Variants in EDF1 observed in about 807,000 individuals in gnomAD.
EDF1 encodes endothelial differentiation-related factor 1.
A neutral mutation model predicts 20.8 loss-of-function variants in EDF1; 5 were observed. The observed-to-expected ratio is 0.24, with a 90% confidence interval of 0.13 to 0.51. EDF1 has a LOEUF of 0.51. EDF1 is among the 20% of genes least tolerant of loss of function. EDF1 has a pLI of 0.97. For synonymous variants in EDF1, 96 were observed against 78.5 expected (o/e 1.22, Z -1.18); for missense variants, 137 against 197.8 (o/e 0.69, Z 1.84).
rs11549946 is a variant in EDF1 at position 136,863,356 on chromosome 9, G to A, written c.223C>T (p.Leu75=). The A allele has an allele frequency of 8.7e-6, 14 of 1,613,962 alleles. No individual in the cohort carries two copies. Among genetic ancestry groups the A allele is most frequent in the Middle Eastern group, 1.6e-4 (1 of 6,078 alleles). Residue 75 remains leucine (L), a synonymous_variant, in exon 3 of 5, where the codon CTG becomes TTG. Coordinates refer to ENST00000224073, the MANE Select transcript of EDF1 (RefSeq NM_003792.4). This position sits in a 1 kb window ranked among gnomAD's most constrained non-coding sequence, Gnocchi z 4.5. ...TGCTGGATCACCTTGCCCACCTCCA[G>A]GGTCACCCTGTCATGGTGCAGCTCC... ...TEELHHDRVT[L]EVGKVIQQGR... is the part of the protein sequence containing the mutation.
rs1849192880 is a variant in EDF1 at position 136,865,281 on chromosome 9, T to TA, written c.78+899dup. On this transcript the variant is annotated intron_variant, in intron 1 of 4. Coordinates refer to ENST00000224073, the MANE Select transcript of EDF1 (RefSeq NM_003792.4). Reference sequence around the variant, plus strand: ...CACATTGGTAATCTCCTTCCACAAGTACTGTTCAGGGCACGCCCATCTTCC... The same window carrying TA: ...CACATTGGTAATCTCCTTCCACAAGTAACTGTTCAGGGCACGCCCATCTTCC... Among the ~76,000 whole-genome samples the TA allele has an allele frequency of 2.0e-5, 3 of 152,196 alleles. No homozygotes were observed. In the South Asian group the frequency reaches 6.2e-4, roughly 32 times the overall value.
Position 136,862,534 on chromosome 9 carries a change from G to A in EDF1, c.386-189C>T. The A allele has an allele frequency of 1.2e-6, 2 of 1,604,260 alleles. No homozygotes were observed. The highest frequency in any genetic ancestry group is 1.7e-6 in the Non-Finnish European group (2 of 1,178,650). On this transcript the variant is annotated intron_variant, in intron 4 of 4. Transcript: ENST00000224073. This position sits in a 1 kb window ranked among gnomAD's most constrained non-coding sequence, Gnocchi z 4.1. ...AGGATGAGTCTGATCACCTTAGACAGCAGAGCATGAACACCCCTCTCCGGA... is the reference window on the plus strand; with the variant it reads ...AGGATGAGTCTGATCACCTTAGACAACAGAGCATGAACACCCCTCTCCGGA...
chr9:136,863,580 G>C lies in EDF1; in HGVS notation c.131-132C>G, dbSNP rs1849154593. ...GACATGGGAACCCAGGCTGTCCCAA[G>C]TTCACACACCTCAGGTCGTGGACTT... On this transcript the variant is annotated intron_variant, in intron 2 of 4. Coordinates refer to ENST00000224073, the MANE Select transcript of EDF1 (RefSeq NM_003792.4). The surrounding 1 kb of genome is among the most constrained non-coding windows in gnomAD (Gnocchi z 4.5). 4 of 1,231,708 alleles carry C rather than the reference G, an allele frequency of 3.2e-6. No individual in the cohort carries two copies. Among genetic ancestry groups the C allele is most frequent in the Non-Finnish European group, 4.5e-6 (4 of 897,280 alleles). 76.3% of individuals were successfully genotyped at this position (1,231,708 alleles called of 1,614,324 possible). A position where few individuals can be genotyped will look rare whatever the true frequency, so the allele number is the denominator to read the frequency against.
At position 136,866,124 on chromosome 9, in the gene EDF1, GGCCCCGGCCCAGCGTCCGCCCCGCCC is replaced by G. The variant is rs1469306590; in HGVS notation, c.78+31_78+56del. 3.0e-4 allele frequency: 455 copies of G among 1,537,252 alleles called. 5 individuals are homozygous for G. The East Asian group carries it at 9.0e-3, about 30-fold the overall frequency. The stretch of plus-strand genomic sequence containing the variant: ...CCGAGCCCCCTGCCCCACGGTCCGT[GGCCCCGGCCCAGCGTCCGCCCCGCCC>G]GGCCCGGCCGCTCCTCAGTCAGCAA... On this transcript the variant is annotated intron_variant, in intron 1 of 4. Transcript: ENST00000224073.
intron 1 of EDF1, among the ~76,000 whole-genome samples, chr9:136,865,766 C>T (rs1217921714): frequency 1.3e-5 from 2 of 151,748 alleles, no homozygotes; most frequent in African/African-American, 4.8e-5. Flanking sequence ...GTCCCCGTCC[C>T]CGTCCCCACC....
At position 136,862,361 on chromosome 9, in the gene EDF1, G is replaced by A. The variant is rs1310105696; in HGVS notation, c.386-16C>T. 1.9e-6 allele frequency: 3 copies of A among 1,613,990 alleles called. No homozygotes were observed. Among genetic ancestry groups the A allele is most frequent in the East Asian group, 4.5e-5 (2 of 44,870 alleles). ...AGCTTGAGGCCTGAAATGAGCCACAGCCACTGGCCACTGCAGCACCAGCTC... is the reference window on the plus strand; with the variant it reads ...AGCTTGAGGCCTGAAATGAGCCACAACCACTGGCCACTGCAGCACCAGCTC... On this transcript the variant is annotated splice_polypyrimidine_tract_variant and intron_variant, in intron 4 of 4. Transcript: ENST00000224073. This position sits in a 1 kb window ranked among gnomAD's most constrained non-coding sequence, Gnocchi z 4.1.
chr9:136,862,695 G>A lies in EDF1; in HGVS notation c.385+211C>T. On this transcript the variant is annotated intron_variant, in intron 4 of 4. Transcript: ENST00000224073. This position sits in a 1 kb window ranked among gnomAD's most constrained non-coding sequence, Gnocchi z 4.1. ...GGAACTGGCAAGGGGAAGGGACTCG[G>A]ACTCCACTTGCTCTTAGGGGTTTCC... 6.7e-7 allele frequency: 1 copy of A among 1,500,966 alleles called. No homozygotes were observed. The highest frequency in any genetic ancestry group is 1.3e-5 in the South Asian group (1 of 75,928). The allele number at this position is 1,500,966 out of a possible 1,614,324, so 93.0% of individuals were successfully genotyped here. A position where few individuals can be genotyped will look rare whatever the true frequency, so the allele number is the denominator to read the frequency against.
chr9:136,862,700 C>T lies in EDF1; in HGVS notation c.385+206G>A. 1 of 1,507,172 alleles carries T rather than the reference C, an allele frequency of 6.6e-7. No individual in the cohort carries two copies. The highest frequency in any genetic ancestry group is 8.8e-7 in the Non-Finnish European group (1 of 1,136,062). 93.4% of individuals were successfully genotyped at this position (1,507,172 alleles called of 1,614,324 possible). On this transcript the variant is annotated intron_variant, in intron 4 of 4. Coordinates refer to ENST00000224073, the MANE Select transcript of EDF1 (RefSeq NM_003792.4). This position sits in a 1 kb window ranked among gnomAD's most constrained non-coding sequence, Gnocchi z 4.1. ...TGGCAAGGGGAAGGGACTCGGACTC[C>T]ACTTGCTCTTAGGGGTTTCCTGAGG...
chr9:136,863,058 C>T lies in EDF1; in HGVS notation c.292-59G>A, dbSNP rs1374826069. ...CCACTAGGACTGCTGCAAAACCAGG[C>T]GCGAAGCGTCGCCTGAGAACAGCAG... is the stretch of plus-strand genomic sequence containing the variant. On this transcript the variant is annotated intron_variant, in intron 3 of 4. Coordinates refer to ENST00000224073, the MANE Select transcript of EDF1 (RefSeq NM_003792.4). This position sits in a 1 kb window ranked among gnomAD's most constrained non-coding sequence, Gnocchi z 4.5. 6.2e-6 allele frequency: 10 copies of T among 1,602,080 alleles called. No individual in the cohort carries two copies. The highest frequency in any genetic ancestry group is 1.7e-5 in the Admixed American group (1 of 59,932).
intron 1 of EDF1, among the ~76,000 whole-genome samples, chr9:136,865,897 C>T (rs1446150468): frequency 6.7e-6 from 1 of 149,388 alleles, no homozygotes; most frequent in African/African-American, 2.5e-5. Context: ...GTTCCCTGCT[C>T]CTCTCCTCCT....
At position 136,862,411 on chromosome 9, in the gene EDF1, C is replaced by T. The variant is rs982347516; in HGVS notation, c.386-66G>A. The stretch of plus-strand genomic sequence containing the variant: ...CCCTCCTCCCCCCAACGCTGCCCCT[C>T]TTCAACATCTTCCCAGGGAAGGGGG... On this transcript the variant is annotated intron_variant, in intron 4 of 4. Transcript: ENST00000224073. This position sits in a 1 kb window ranked among gnomAD's most constrained non-coding sequence, Gnocchi z 4.1. The T allele has an allele frequency of 6.2e-7, 1 of 1,613,820 alleles. No individual in the cohort carries two copies. Among genetic ancestry groups the T allele is most frequent in the Non-Finnish European group, 8.5e-7 (1 of 1,180,022 alleles).
rs1849141690 is a variant in EDF1 at position 136,863,127 on chromosome 9, TG to T, written c.292-129del. 14 of 1,515,404 alleles carry T rather than the reference TG, an allele frequency of 9.2e-6. No homozygotes were observed. Among genetic ancestry groups the T allele is most frequent in the Non-Finnish European group, 1.2e-5 (13 of 1,109,484 alleles). 93.9% of individuals were successfully genotyped at this position (1,515,404 alleles called of 1,614,324 possible). ...TACGCACCCACACGCAGCTGGGTTT[TG>T]TGCGAGAGGCAGTGAGAGCCGGGCT... On this transcript the variant is annotated intron_variant, in intron 3 of 4. Transcript: ENST00000224073. This position sits in a 1 kb window ranked among gnomAD's most constrained non-coding sequence, Gnocchi z 4.5.
chr9:136,863,963 C>G lies in EDF1; in HGVS notation c.79-92G>C. 2 of 1,328,736 alleles carry G rather than the reference C, an allele frequency of 1.5e-6. No homozygotes were observed. Among genetic ancestry groups the G allele is most frequent in the South Asian group, 1.2e-5 (1 of 83,004 alleles). 82.3% of individuals were successfully genotyped at this position (1,328,736 alleles called of 1,614,324 possible). On this transcript the variant is annotated intron_variant, in intron 1 of 4. Transcript: ENST00000224073. The surrounding 1 kb of genome is among the most constrained non-coding windows in gnomAD (Gnocchi z 4.5). ...GGCCTGCTGTTAGCCAGTTAGCACA[C>G]TGCTAAGGACTAGTGGTGCCCAAGG...
chr9:136,862,492 C>T lies in EDF1; in HGVS notation c.386-147G>A. The stretch of plus-strand genomic sequence containing the variant: ...TCAGCACACGAGCACTCCTGGTTCC[C>T]ACATCTAATTTTGAAGAGGATGAGT... On this transcript the variant is annotated intron_variant, in intron 4 of 4. Coordinates refer to ENST00000224073, the MANE Select transcript of EDF1 (RefSeq NM_003792.4). This position sits in a 1 kb window ranked among gnomAD's most constrained non-coding sequence, Gnocchi z 4.1. 1.9e-6 allele frequency: 3 copies of T among 1,612,188 alleles called. No homozygotes were observed. Among genetic ancestry groups the T allele is most frequent in the Non-Finnish European group, 2.5e-6 (3 of 1,179,840 alleles).
Position 136,863,026 on chromosome 9 carries a change from A to G in EDF1, c.292-27T>C. ...TAAAGAGAAGATGTGCTTTATACAC[A>G]TCAGCTCCACTAGGACTGCTGCAAA... is the stretch of plus-strand genomic sequence containing the variant. On this transcript the variant is annotated intron_variant, in intron 3 of 4. Coordinates refer to ENST00000224073, the MANE Select transcript of EDF1 (RefSeq NM_003792.4). This position sits in a 1 kb window ranked among gnomAD's most constrained non-coding sequence, Gnocchi z 4.5. The G allele has an allele frequency of 6.2e-7, 1 of 1,612,974 alleles. No homozygotes were observed. The highest frequency in any genetic ancestry group is 8.5e-7 in the Non-Finnish European group (1 of 1,179,694).
Position 136,862,882 on chromosome 9 carries a change from G to A in EDF1, c.385+24C>T, listed in dbSNP as rs756363408. On this transcript the variant is annotated intron_variant, in intron 4 of 4. Transcript: ENST00000224073. This position sits in a 1 kb window ranked among gnomAD's most constrained non-coding sequence, Gnocchi z 4.1. ...GGTAGCCTCCCTGTTCAGCGGACCC[G>A]GCGAAGGGTGGAGGGACACTCACCA... The A allele has an allele frequency of 5.6e-6, 9 of 1,612,580 alleles. No homozygotes were observed. Among genetic ancestry groups the A allele is most frequent in the Admixed American group, 3.3e-5 (2 of 60,004 alleles).
chr9:136,863,853 T>G lies in EDF1; in HGVS notation c.97A>C (p.Arg33=), dbSNP rs1173641578. The change falls in exon 2 of 5, where the codon AGA becomes CGA. Residue 33 remains arginine (R), a synonymous_variant. Transcript: ENST00000224073. The surrounding 1 kb of genome is among the most constrained non-coding windows in gnomAD (Gnocchi z 4.5). ...GAAGTCTCCACATCTTCTCCTCGTC[T>G]CTGTGCCGCTAAGATAGCCTAGAAA... ...KSKQAILAAQ[R]RGEDVETSKK... The G allele has an allele frequency of 5.0e-6, 8 of 1,613,954 alleles. No homozygotes were observed. The Admixed American group carries it at 5.0e-5, about 10-fold the overall frequency.
At position 136,862,577 on chromosome 9, in the gene EDF1, C is replaced by T; in HGVS notation, c.386-232G>A. 1.3e-6 allele frequency: 2 copies of T among 1,565,032 alleles called. No homozygotes were observed. Among genetic ancestry groups the T allele is most frequent in the Non-Finnish European group, 1.7e-6 (2 of 1,162,736 alleles). Reference sequence around the variant, plus strand: ...TCTCCGGAAGAACCGGAGCCGGGGTCCTCTGTGGAACTGGCTTCCGGCCCC... The same window carrying T: ...TCTCCGGAAGAACCGGAGCCGGGGTTCTCTGTGGAACTGGCTTCCGGCCCC... On this transcript the variant is annotated intron_variant, in intron 4 of 4. Transcript: ENST00000224073. This position sits in a 1 kb window ranked among gnomAD's most constrained non-coding sequence, Gnocchi z 4.1.
rs374801755 is a variant in EDF1 at position 136,862,388 on chromosome 9, C to A, written c.386-43G>T. ...CACTGGCCACTGCAGCACCAGCTCC[C>A]TCCTCCCCCCAACGCTGCCCCTCTT... On this transcript the variant is annotated intron_variant, in intron 4 of 4. Transcript: ENST00000224073. The surrounding 1 kb of genome is among the most constrained non-coding windows in gnomAD (Gnocchi z 4.1). The A allele has an allele frequency of 2.5e-6, 4 of 1,614,030 alleles. No individual in the cohort carries two copies. Among genetic ancestry groups the A allele is most frequent in the Non-Finnish European group, 2.5e-6 (3 of 1,180,026 alleles).
Sources: allele counts gnomAD v4.1 joint callset (sites outside exome capture counted in the v4.1 genomes callset), GRCh38; gene constraint gnomAD v4.1.1; non-coding constraint Gnocchi (gnomAD v3.1); transcripts MANE v1.5; gene names NCBI Gene and HGNC (gene_info 2026-07-23, HGNC 2026-07-21).